HOMER1: variants seen among roughly 807,000 people sequenced by gnomAD.
HOMER1 encodes homer protein homolog 1.
In HOMER1, 3 loss-of-function variants were observed where a neutral mutation model predicts 48.9. That is an observed-to-expected ratio of 0.06 (90% CI 0.03 to 0.16). The LOEUF (loss-of-function observed/expected upper bound fraction) is 0.16, where lower values mean the gene tolerates loss of function less well. HOMER1 is among the 10% of genes least tolerant of loss of function. The pLI is 1.00. For synonymous variants in HOMER1, 134 were observed against 146.4 expected (o/e 0.92, Z 0.61); for missense variants, 247 against 411.4 (o/e 0.60, Z 3.46).
At chr5:79,397,676 A>G (rs549984195) in intron 6 of HOMER1, 39 bp from the exon 7 acceptor site, 58 of 1,243,184 alleles carry the variant, frequency 4.7e-5, no homozygotes, top group Middle Eastern at 1.9e-4. Flanking sequence ...TTAAATTTCA[A>G]CTTTAAAGAG....
intron 8 of HOMER1, among the ~76,000 whole-genome samples, chr5:79,389,854 A>AAAAT (rs1749203774): frequency 6.6e-6 from 1 of 152,250 alleles, no homozygotes; most frequent in Non-Finnish European, 1.5e-5. Context: ...TGATAGTTAA[A>AAAAT]AAATAATCTG....
chr5:79,404,141 A>T (rs994876447), intron 5 of HOMER1, among the ~76,000 whole-genome samples: 3 of 152,216 alleles, frequency 2.0e-5, no homozygotes, highest in African/African-American at 7.2e-5. Flanking sequence ...TTAGTGAACT[A>T]ATTTAAACAC....
rs1748739817 is a variant in HOMER1, at chr5:79,375,280, G to A, written c.*729C>T. The A allele has an allele frequency of 6.6e-6, 1 of 152,060 alleles. No individual in the cohort carries two copies. The highest frequency in any genetic ancestry group is 1.5e-5 in the Non-Finnish European group (1 of 67,922). 9.4% of individuals were successfully genotyped at this position (152,060 alleles called of 1,614,324 possible). On this transcript the variant is annotated 3_prime_UTR_variant, in exon 9 of 9. Transcript: ENST00000334082. Reference sequence around the variant, plus strand: ...TGCCTTCGTTAGTTGGCTTTAAAATGTGTAATAAAATGGGAGACAATATCT... The same window carrying A: ...TGCCTTCGTTAGTTGGCTTTAAAATATGTAATAAAATGGGAGACAATATCT...
intron 8 of HOMER1, among the ~76,000 whole-genome samples, chr5:79,394,461 G>C (rs1749330068): frequency 6.6e-6 from 1 of 152,130 alleles, no homozygotes; most frequent in African/African-American, 2.4e-5. Flanking sequence ...TCCTGTTCTA[G>C]GTAGGTTGTT....
intron 1 of HOMER1, among the ~76,000 whole-genome samples, chr5:79,479,521 G>C (rs933701754): frequency 6.6e-6 from 1 of 152,122 alleles, no homozygotes; most frequent in Non-Finnish European, 1.5e-5. Flanking sequence ...TGAAGGGAGA[G>C]GCCATGAACC....
At chr5:79,427,801 TTTCCTTCCTTCCTTCTTTTCC>T (rs1279802119) in intron 5 of HOMER1, among the ~76,000 whole-genome samples, 8 of 141,548 alleles carry the variant, frequency 5.7e-5, no homozygotes, top group African/African-American at 2.2e-4. Flanking sequence ...CCTTCCTTCC[TTTCCTTCCTTCCTTCTTTTCC>T]TTCCTTCCTT....
rs34470593 is a variant in HOMER1 at position 79,375,904 on chromosome 5, A to ATTTTTTTTTTTT, written c.*93_*104dup. 3.0e-6 allele frequency: 1 copy of ATTTTTTTTTTTT among 332,048 alleles called. No homozygotes were observed. The highest frequency in any genetic ancestry group is 2.4e-5 in the African/African-American group (1 of 41,712). 20.6% of individuals were successfully genotyped at this position (332,048 alleles called of 1,614,324 possible). On this transcript the variant is annotated 3_prime_UTR_variant, in exon 9 of 9. Transcript: ENST00000334082. Reference sequence around the variant, plus strand: ...CCTCCTCCTGGAGGAGTGATATTCAATTTTTTTTTTTTTTTTTTTGTGCAA... The same window carrying ATTTTTTTTTTTT: ...CCTCCTCCTGGAGGAGTGATATTCAATTTTTTTTTTTTTTTTTTTTTTTTTTTTTTTGTGCAA...
At chr5:79,493,068 A>C (rs1752331482) in intron 1 of HOMER1, among the ~76,000 whole-genome samples, 1 of 151,810 alleles carries the variant, frequency 6.6e-6, no homozygotes, top group Admixed American at 6.6e-5. Context: ...ACAGGCATGC[A>C]CCACCACACC....
chr5:79,384,312 GA>G (rs2112194787), intron 8 of HOMER1, among the ~76,000 whole-genome samples: 1 of 152,144 alleles, frequency 6.6e-6, no homozygotes, highest in East Asian at 1.9e-4. Context: ...ATCACAAATG[GA>G]AAAGGAAGCA....
intron 8 of HOMER1, among the ~76,000 whole-genome samples, chr5:79,393,819 T>A (rs1749311626): frequency 6.6e-6 from 1 of 152,154 alleles, no homozygotes; most frequent in Admixed American, 6.6e-5. Flanking sequence ...TACCTCTATA[T>A]GGGAGAATTC....
At chr5:79,436,169 AAAAT>A (rs1252517947) in intron 5 of HOMER1, among the ~76,000 whole-genome samples, 9 of 151,846 alleles carry the variant, frequency 5.9e-5, no homozygotes, top group African/African-American at 1.9e-4. Context: ...TAAAAATAAA[AAAAT>A]AAATAAGATT....
chr5:79,513,146 A>G lies in HOMER1; in HGVS notation c.-372T>C, dbSNP rs1752988575. 3 of 222,242 alleles carry G rather than the reference A, an allele frequency of 1.3e-5. No individual in the cohort carries two copies. The South Asian group carries it at 2.8e-4, about 21-fold the overall frequency. The allele number at this position is 222,242 out of a possible 1,614,324, so 13.8% of individuals were successfully genotyped here. A position where few individuals can be genotyped will look rare whatever the true frequency, so the allele number is the denominator to read the frequency against. On this transcript the variant is annotated 5_prime_UTR_variant, in exon 1 of 9. Transcript: ENST00000334082. ...TTCACTCATGTCCTCCTCGACACTC[A>G]GGGAGAGCCAGGTAACTCGGCCTTT...
intron 1 of HOMER1, among the ~76,000 whole-genome samples, chr5:79,473,902 T>C (rs908920903): frequency 6.6e-6 from 1 of 152,112 alleles, no homozygotes; most frequent in Non-Finnish European, 1.5e-5. Context: ...ACCATAACAT[T>C]AAAAAAATTT....
intron 5 of HOMER1, among the ~76,000 whole-genome samples, chr5:79,403,189 G>T (rs763432595): frequency 6.6e-6 from 1 of 152,096 alleles, no homozygotes; most frequent in Non-Finnish European, 1.5e-5. Context: ...CATTATTGAA[G>T]TTTATTTCTA....
At position 79,451,034 on chromosome 5, in the gene HOMER1, T is replaced by C; in HGVS notation, c.250A>G (p.Thr84Ala). 6.2e-7 allele frequency: 1 copy of C among 1,614,020 alleles called. No individual in the cohort carries two copies. Among genetic ancestry groups the C allele is most frequent in the Non-Finnish European group, 8.5e-7 (1 of 1,179,882 alleles). Residue 84 changes from threonine to alanine, a missense_variant, in exon 3 of 9, where the codon ACC becomes GCC. Thr to Ala is a moderately conservative substitution (Grantham distance 58). Around this residue, in one of 4 missense-constraint regions of HOMER1, gnomAD observed 38 missense variants for 114.9 expected, o/e 0.33. Transcript: ENST00000334082. ...FGQWADSRAN[T>A]VYGLGFSSEH... ...GAGGAGAATCCCAATCCATAAACGG[T>C]GTTTGCCCGGCTATCAGCCCACTGG... is the stretch of plus-strand genomic sequence containing the variant.
intron 1 of HOMER1, among the ~76,000 whole-genome samples, chr5:79,503,204 C>T (rs1752653167): frequency 6.6e-6 from 1 of 151,922 alleles, no homozygotes; most frequent in Non-Finnish European, 1.5e-5. Flanking sequence ...TGTACTCATA[C>T]AATTAAGTAA....
At chr5:79,476,042 C>T (rs1240104025) in intron 1 of HOMER1, among the ~76,000 whole-genome samples, 1 of 152,150 alleles carries the variant, frequency 6.6e-6, no homozygotes, top group African/African-American at 2.4e-5. Context: ...AGTTCTCTCA[C>T]CGTTGTTATT....
intron 2 of HOMER1, among the ~76,000 whole-genome samples, chr5:79,456,337 G>T (rs895499895): frequency 6.6e-6 from 1 of 152,278 alleles, no homozygotes; most frequent in South Asian, 2.1e-4. Context: ...GTGGAGTTGA[G>T]ATCTGAACCC....
chr5:79,397,045 A>C, intron 7 of HOMER1, 142 bp from the exon 8 acceptor site: 1 of 569,470 alleles, frequency 1.8e-6, no homozygotes, highest in Non-Finnish European at 3.1e-6. Flanking sequence ...TAGAGGGATG[A>C]ATTCATCTTT....
Sources: allele counts gnomAD v4.1 joint callset (sites outside exome capture counted in the v4.1 genomes callset), GRCh38; gene constraint gnomAD v4.1.1; regional missense constraint gnomAD v4.1.1; transcripts MANE v1.5; gene names NCBI Gene and HGNC (gene_info 2026-07-23, HGNC 2026-07-21).